Variants in C2CD2 observed in about 807,000 individuals in gnomAD.
C2CD2 encodes C2 calcium dependent domain containing 2.
A neutral mutation model predicts 74.3 loss-of-function variants in C2CD2; 43 were observed. The observed-to-expected ratio is 0.58, with a 90% CI of 0.45 to 0.75. The LOEUF (loss-of-function observed/expected upper bound fraction) is 0.75. Among genes scored for constraint, C2CD2 ranks in the 30% least tolerant of loss-of-function variants. The pLI, the probability that C2CD2 is intolerant of heterozygous loss-of-function variation, is 0.00. For synonymous variants in C2CD2, 422 were observed against 390.7 expected, an observed-to-expected ratio of 1.08 and a Z score of -0.94; for missense variants, 801 against 916.3, an observed-to-expected ratio of 0.87 and a Z score of 1.63.
intron 1 of C2CD2, among the ~76,000 whole-genome samples, chr21:41,946,288 G>A (rs762938913): frequency 6.6e-6 from 1 of 152,148 alleles, no homozygotes. Flanking sequence ...GACATGATGT[G>A]GATCTGTGTC....
intron 1 of C2CD2, among the ~76,000 whole-genome samples, chr21:41,951,096 G>T (rs952491015): frequency 9.2e-5 from 14 of 152,090 alleles, no homozygotes; most frequent in Non-Finnish European, 2.1e-4. Flanking sequence ...CTCCCACACC[G>T]CCATCACTGT....
chr21:41,911,258 T>C (rs953749367), intron 7 of C2CD2, among the ~76,000 whole-genome samples: 2 of 152,160 alleles, frequency 1.3e-5, no homozygotes, highest in African/African-American at 4.8e-5. Flanking sequence ...CACACATACA[T>C]CCTTACATTC....
At chr21:41,946,950 TGAA>T (rs2065402573) in intron 1 of C2CD2, among the ~76,000 whole-genome samples, 1 of 152,098 alleles carries the variant, frequency 6.6e-6, no homozygotes, top group Non-Finnish European at 1.5e-5. Context: ...CTGCAGGTGA[TGAA>T]GAAGGAACAA....
chr21:41,896,596 CG>C (rs886070738), intron 13 of C2CD2, among the ~76,000 whole-genome samples: 1 of 150,480 alleles, frequency 6.6e-6, no homozygotes, highest in Non-Finnish European at 1.5e-5. Flanking sequence ...ATTTCCTGTG[CG>C]GGCTGGTTTC....
In C2CD2 at chr21:41,899,404, G is replaced by A. The variant is rs768218324; in HGVS notation, c.1561-42C>T. ...GGAAGATGACAAGGGATACATGAAA[G>A]GAAGGGAGGGTTTGAAAAGAACTGA... On this transcript the variant is annotated intron_variant, in intron 12 of 13. Coordinates refer to ENST00000380486, the MANE Select transcript of C2CD2 (RefSeq NM_015500.2). This position sits in a 1 kb window ranked among gnomAD's most constrained non-coding sequence, Gnocchi z 4.4. 2 of 1,561,720 alleles carry A rather than the reference G, an allele frequency of 1.3e-6. No homozygotes were observed. The highest frequency in any genetic ancestry group is 3.5e-5 in the Admixed American group (2 of 57,628).
At chr21:41,941,099 C>T (rs2065350835) in intron 2 of C2CD2, among the ~76,000 whole-genome samples, 1 of 152,002 alleles carries the variant, frequency 6.6e-6, no homozygotes, top group South Asian at 2.1e-4. Context: ...CATCTATAAT[C>T]CCAGCACTTT....
In C2CD2 at chr21:41,909,564, T is replaced by G. The variant is rs1400788164; in HGVS notation, c.954-41A>C. ...AAGTTATGAGTCCTAAAAAATGCAA[T>G]GCTTGATTCTTTTTATGAAATAGAG... On this transcript the variant is annotated intron_variant, in intron 7 of 13. Transcript: ENST00000380486. The G allele has an allele frequency of 3.1e-6, 4 of 1,283,668 alleles. No homozygotes were observed. The East Asian group carries it at 9.2e-5, about 30-fold the overall frequency. The allele number at this position is 1,283,668 out of a possible 1,614,324, so 79.5% of individuals were successfully genotyped here.
At position 41,895,543 on chromosome 21, in the gene C2CD2, G is replaced by C. The variant is rs1017599310; in HGVS notation, c.1870+3510C>G. On this transcript the variant is annotated intron_variant, in intron 13 of 13. Coordinates refer to ENST00000380486, the MANE Select transcript of C2CD2 (RefSeq NM_015500.2). This position sits in a 1 kb window ranked among gnomAD's most constrained non-coding sequence, Gnocchi z 5.0. ...CCTTCAAGATTCCTGAAGATAATTT[G>C]GGGAGTGGTTATGTGAAATTGGAGG... Among the ~76,000 whole-genome samples the C allele has an allele frequency of 6.6e-6, 1 of 152,184 alleles. No individual in the cohort carries two copies. Among genetic ancestry groups the C allele is most frequent in the Admixed American group, 6.5e-5 (1 of 15,276 alleles).
At chr21:41,931,154 A>C (rs893328197) in intron 2 of C2CD2, among the ~76,000 whole-genome samples, 6 of 150,476 alleles carry the variant, frequency 4.0e-5, no homozygotes, top group Non-Finnish European at 7.5e-5. Flanking sequence ...CCCGGAGAAA[A>C]GTTTAAAGGC....
Position 41,905,725 on chromosome 21 carries a change from T to C in C2CD2, c.1431A>G (p.Thr477=). The change falls in exon 11 of 14, where the codon ACA becomes ACG. Residue 477 remains threonine (T), a splice_region_variant and synonymous_variant. Coordinates refer to ENST00000380486, the MANE Select transcript of C2CD2 (RefSeq NM_015500.2). ...GCGACGTGGGCGTGTCTCAGTTACC[T>C]GTGTCTGAAGAAGAGAGTGTTTTGC... ...PVSKTLSSSD[T]ELLVLNGSDP... is the part of the protein sequence containing the mutation. 2 of 1,558,272 alleles carry C rather than the reference T, an allele frequency of 1.3e-6. No individual in the cohort carries two copies. The highest frequency in any genetic ancestry group is 1.8e-6 in the Non-Finnish European group (2 of 1,131,048).
At chr21:41,915,392 C>T (rs1011958888) in intron 5 of C2CD2, among the ~76,000 whole-genome samples, 5 of 152,156 alleles carry the variant, frequency 3.3e-5, no homozygotes, top group Admixed American at 3.3e-4. Flanking sequence ...CAGCTTCAAA[C>T]CAGCATTTCC....
At chr21:41,909,574 T>G in intron 7 of C2CD2, 51 bp from the exon 8 acceptor site, 1 of 1,201,500 alleles carries the variant, frequency 8.3e-7, no homozygotes, top group Non-Finnish European at 1.2e-6. Flanking sequence ...TGCTTGATTC[T>G]TTTTATGAAA....
At chr21:41,893,139 C>T (rs2064776786) in intron 13 of C2CD2, among the ~76,000 whole-genome samples, 1 of 152,150 alleles carries the variant, frequency 6.6e-6, no homozygotes, top group South Asian at 2.1e-4. Context: ...AAGACCCCAT[C>T]TCTATTTTTA....
At chr21:41,905,241 C>T (rs1169323180) in intron 11 of C2CD2, among the ~76,000 whole-genome samples, 2 of 151,426 alleles carry the variant, frequency 1.3e-5, no homozygotes, top group Non-Finnish European at 2.9e-5. Flanking sequence ...GGTCTCTGAT[C>T]AATTTGGAGT....
rs2065209461 is a variant in C2CD2, at chr21:41,926,168, G to A, written c.379-4083C>T. Among the ~76,000 whole-genome samples the A allele has an allele frequency of 6.6e-6, 1 of 152,184 alleles. No homozygotes were observed. Among genetic ancestry groups the A allele is most frequent in the Non-Finnish European group, 1.5e-5 (1 of 68,044 alleles). On this transcript the variant is annotated intron_variant, in intron 2 of 13. Coordinates refer to ENST00000380486, the MANE Select transcript of C2CD2 (RefSeq NM_015500.2). This position sits in a 1 kb window ranked among gnomAD's most constrained non-coding sequence, Gnocchi z 8.0. ...CCCAGGTCTGCATCTGCAGGAGCGA[G>A]CTCCCTCGACAACAACCAACCATCC...
rs545065206 is a variant in C2CD2 at position 41,926,574 on chromosome 21, A to G, written c.379-4489T>C. 2.5e-4 allele frequency: 239 copies of G among 954,124 alleles called. No individual in the cohort carries two copies. The highest frequency in any genetic ancestry group is 5.4e-4 in the Middle Eastern group (1 of 1,868). 59.1% of individuals were successfully genotyped at this position (954,124 alleles called of 1,614,324 possible). On this transcript the variant is annotated intron_variant, in intron 2 of 13. Transcript: ENST00000380486. This position sits in a 1 kb window ranked among gnomAD's most constrained non-coding sequence, Gnocchi z 8.0. ...CTTGACCTCATGTAGTCACATACCT[A>G]TGCAAACAGCGCTTATCTGGAAACT... is the stretch of plus-strand genomic sequence containing the variant.
At chr21:41,953,201 G>A in intron 1 of C2CD2, 169 bp downstream of exon 1, 1 of 420,560 alleles carries the variant, frequency 2.4e-6, no homozygotes, top group East Asian at 3.6e-5. Flanking sequence ...TCTCCGTCAA[G>A]GGGCCTCGCT....
intron 2 of C2CD2, among the ~76,000 whole-genome samples, chr21:41,928,239 C>T (rs962621589): frequency 2.0e-5 from 3 of 152,306 alleles, no homozygotes; most frequent in Admixed American, 6.5e-5. Context: ...GACCAACCGA[C>T]GAAACCTCGG....
Position 41,953,637 on chromosome 21 carries a change from G to A in C2CD2, c.12C>T (p.Ala4=). 6.8e-7 allele frequency: 1 copy of A among 1,466,582 alleles called. No individual in the cohort carries two copies. The highest frequency in any genetic ancestry group is 8.9e-7 in the Non-Finnish European group (1 of 1,117,794). 90.8% of individuals were successfully genotyped at this position (1,466,582 alleles called of 1,614,324 possible). ...CCTCCCCGAGCCACGAGCCCAGCCG[G>A]GCCATGGCCATGGCGCATCCCCGGC... The part of the protein sequence containing the change: MAM[A]RLGSWLGEAQ... The change falls in exon 1 of 14, where the codon GCC becomes GCT. Residue 4 remains alanine, a synonymous_variant. Transcript: ENST00000380486.
Sources: gnomAD v4.1 joint callset for allele counts (sites outside exome capture counted in the v4.1 genomes callset) on GRCh38, gnomAD v4.1.1 for gene constraint, Gnocchi (gnomAD v3.1) non-coding constraint, MANE v1.5 for transcripts, NCBI Gene and HGNC (gene_info 2026-07-23, HGNC 2026-07-21) for gene names.